IL17RD: variants seen among roughly 807,000 people sequenced by gnomAD.
IL17RD encodes the protein interleukin 17 receptor D, also known as interleukin-17 receptor D.
A neutral mutation model predicts 80.5 loss-of-function variants in IL17RD; 52 were observed. The ratio of observed to expected loss-of-function variants is 0.65; its 90% CI spans 0.52 to 0.81. IL17RD has a LOEUF of 0.81. IL17RD is among the 40% of genes least tolerant of loss of function. The pLI is 0.00. For synonymous variants in IL17RD, 416 were observed against 391.8 expected (o/e 1.06, Z -0.73); for missense variants, 1,024 against 955.1 (o/e 1.07, Z -0.95).
At chr3:57,104,555 T>C (rs1457321099) in intron 7 of IL17RD, 148 bp from the exon 8 acceptor site, 2 of 625,670 alleles carry the variant, frequency 3.2e-6, no homozygotes, top group Non-Finnish European at 5.7e-6. Context: ...GCAACTGTGT[T>C]TATCTGCCAC....
intron 1 of IL17RD, among the ~76,000 whole-genome samples, chr3:57,127,173 G>C (rs1241682258): frequency 2.3e-5 from 3 of 128,016 alleles, no homozygotes; most frequent in Non-Finnish European, 4.8e-5. Flanking sequence ...TTAAAACTAA[G>C]GCCAACTCAT....
rs1706960837 is a variant in IL17RD at position 57,106,137 on chromosome 3, G to T, written c.568C>A (p.Gln190Lys). ...FRTRACDLLL[Q>K]PDNLACKPFW... ...GGTTTACAAGCTAGATTGTCCGGCT[G>T]TAACAACAGGTCACAGGCTATTAAG... The change falls in exon 6 of 13, where the codon CAG (glutamine) becomes AAG (lysine). Residue 190 changes from glutamine (Q) to lysine (K), a missense_variant. Physicochemically the swap from Gln to Lys is moderately conservative, Grantham distance 53. Coordinates refer to ENST00000296318, the MANE Select transcript of IL17RD (RefSeq NM_017563.5). 1 of 1,611,908 alleles carries T rather than the reference G, an allele frequency of 6.2e-7. No homozygotes were observed. The highest frequency in any genetic ancestry group is 2.2e-5 in the East Asian group (1 of 44,882).
chr3:57,130,670 G>C (rs140546614), intron 1 of IL17RD, among the ~76,000 whole-genome samples: 1 of 152,122 alleles, frequency 6.6e-6, no homozygotes, highest in East Asian at 1.9e-4. Flanking sequence ...CCTGTTTCAC[G>C]GCCCTGCCCG....
chr3:57,098,443 C>G lies in IL17RD; in HGVS notation c.1260G>C (p.Val420=). ...AGTACTTCATACCTTTGGAACAAAC[C>G]ACAATGATGAACTGGGACTCGTGGA... ...QKIHESQFII[V]VCSKGMKYFV... Residue 420 remains valine (V), a synonymous_variant, in exon 12 of 13, where the codon GTG becomes GTC. Transcript: ENST00000296318. 1 of 1,613,974 alleles carries G rather than the reference C, an allele frequency of 6.2e-7. No homozygotes were observed.
At chr3:57,101,129 C>A in intron 11 of IL17RD, 50 bp downstream of exon 11, 1 of 1,498,242 alleles carries the variant, frequency 6.7e-7, no homozygotes, top group Non-Finnish European at 9.2e-7. Flanking sequence ...GGAGAGAGTA[C>A]AGGGCAAGTG....
chr3:57,139,806 C>T (rs1180450869), intron 1 of IL17RD, among the ~76,000 whole-genome samples: 1 of 152,176 alleles, frequency 6.6e-6, no homozygotes, highest in Non-Finnish European at 1.5e-5. Context: ...TGTGAGCCAC[C>T]TCGCCTGGCT....
At chr3:57,117,677 A>C (rs1301722067) in intron 2 of IL17RD, among the ~76,000 whole-genome samples, 2 of 152,204 alleles carry the variant, frequency 1.3e-5, no homozygotes, top group Non-Finnish European at 2.9e-5. Flanking sequence ...TTGACTAGTA[A>C]CCAGTCAACT....
At chr3:57,142,329 G>C (rs1707844105) in intron 1 of IL17RD, 1 of 413,048 alleles carries the variant, frequency 2.4e-6, no homozygotes, top group South Asian at 1.8e-5. Flanking sequence ...ACAGTGTCCA[G>C]ATGTGCTTAA....
Position 57,120,296 on chromosome 3 carries a change from G to C in IL17RD, c.144C>G (p.Ser48Arg), listed in dbSNP as rs1160318085. 1 of 1,613,524 alleles carries C rather than the reference G, an allele frequency of 6.2e-7. No homozygotes were observed. The change falls in exon 2 of 13, where the codon AGC becomes AGG. Residue 48 changes from serine to arginine, a missense_variant. Physicochemically the swap from Ser to Arg is moderately radical, Grantham distance 110. Coordinates refer to ENST00000296318, the MANE Select transcript of IL17RD (RefSeq NM_017563.5). ...TGATGTTGTACAGCCCACTGTTTCT[G>C]CTGGCTGGCCCCACTCCCTGTGGGA... ...TCGWRGVGPA[S>R]RNSGLYNITF... is the part of the protein sequence containing the mutation.
Position 57,165,298 on chromosome 3 carries a change from C to G in IL17RD, c.-12G>C. ...AGCCACGGGGCCATGGCCGTGCGCT[C>G]GCCCAGCCAGGCCGTTCTCTGCGCC... On this transcript the variant is annotated 5_prime_UTR_variant, in exon 1 of 13. Transcript: ENST00000296318. 1 of 1,440,728 alleles carries G rather than the reference C, an allele frequency of 6.9e-7. No homozygotes were observed. The highest frequency in any genetic ancestry group is 1.4e-5 in the South Asian group (1 of 70,848). 89.2% of individuals were successfully genotyped at this position (1,440,728 alleles called of 1,614,324 possible). A position where few individuals can be genotyped will look rare whatever the true frequency, so the allele number is the denominator to read the frequency against.
Position 57,105,805 on chromosome 3 carries a change from G to A in IL17RD, c.747+52C>T, listed in dbSNP as rs1545982. ...TGAGCAACCCAAATTCCAGTGGCCT[G>A]GGGGTCGCTTTGAAACACGCAGTGT... is the stretch of plus-strand genomic sequence containing the variant. On this transcript the variant is annotated intron_variant, in intron 7 of 12. Coordinates refer to ENST00000296318, the MANE Select transcript of IL17RD (RefSeq NM_017563.5). 0.84 allele frequency: 1,306,747 copies of A among 1,546,724 alleles called. 556,827 individuals carry two copies. Among genetic ancestry groups the A allele is most frequent in the South Asian group, 0.92 (78,086 of 84,488 alleles).
At chr3:57,131,959 G>A (rs1220952814) in intron 1 of IL17RD, among the ~76,000 whole-genome samples, 3 of 152,244 alleles carry the variant, frequency 2.0e-5, no homozygotes, top group Admixed American at 2.0e-4. Context: ...GCGGAGGCCA[G>A]CGGATTGCTT....
At chr3:57,134,276 T>C (rs911809818) in intron 1 of IL17RD, 2 of 682,546 alleles carry the variant, frequency 2.9e-6, no homozygotes, top group African/African-American at 3.5e-5. Context: ...TGATCAAAGA[T>C]GGGCTGATCA....
chr3:57,153,641 A>G (rs1009536519), intron 1 of IL17RD, among the ~76,000 whole-genome samples: 2 of 152,248 alleles, frequency 1.3e-5, no homozygotes, highest in African/African-American at 4.8e-5. Flanking sequence ...TGGTAACTTT[A>G]GACAAAGGGG....
At position 57,094,758 on chromosome 3, in the gene IL17RD, T is replaced by C. The variant is rs1011977678; in HGVS notation, c.*1635A>G. 2.6e-5 allele frequency: 4 copies of C among 152,182 alleles called. No individual in the cohort carries two copies. The highest frequency in any genetic ancestry group is 1.3e-4 in the Admixed American group (2 of 15,268). The allele number at this position is 152,182 out of a possible 1,614,324, so 9.4% of individuals were successfully genotyped here. A position where few individuals can be genotyped will look rare whatever the true frequency, so the allele number is the denominator to read the frequency against. On this transcript the variant is annotated 3_prime_UTR_variant, in exon 13 of 13. Coordinates refer to ENST00000296318, the MANE Select transcript of IL17RD (RefSeq NM_017563.5). Reference sequence around the variant, plus strand: ...AGCTCTGCACTCATTCCAGATTCCATAGGAACAACATAAAATGACTCTTCT... The same window carrying C: ...AGCTCTGCACTCATTCCAGATTCCACAGGAACAACATAAAATGACTCTTCT...
At chr3:57,154,283 T>TATATACAC (rs904157398) in intron 1 of IL17RD, among the ~76,000 whole-genome samples, 1 of 112,908 alleles carries the variant, frequency 8.9e-6, no homozygotes, top group African/African-American at 3.2e-5. Flanking sequence ...TATATATATA[T>TATATACAC]ACACACACAC....
chr3:57,100,309 T>G (rs567778158), intron 11 of IL17RD, among the ~76,000 whole-genome samples: 1 of 152,330 alleles, frequency 6.6e-6, no homozygotes, highest in African/African-American at 2.4e-5. Flanking sequence ...CCTCACCACA[T>G]GGAGAGATTC....
chr3:57,114,062 T>C (rs1342179804), intron 3 of IL17RD, among the ~76,000 whole-genome samples: 1 of 144,124 alleles, frequency 6.9e-6, no homozygotes, highest in Non-Finnish European at 1.5e-5. Context: ...TGGGCACTTA[T>C]AATCCCAGCT....
At chr3:57,127,412 A>ATATATATATTT (rs1246159104) in intron 1 of IL17RD, among the ~76,000 whole-genome samples, 5 of 91,216 alleles carry the variant, frequency 5.5e-5, no homozygotes, top group African/African-American at 2.4e-4. Context: ...ATATATATAT[A>ATATATATATTT]TTTTTTTTTT....
Sources: gnomAD v4.1 joint callset for allele counts (sites outside exome capture counted in the v4.1 genomes callset) on GRCh38, gnomAD v4.1.1 for gene constraint, MANE v1.5 for transcripts, NCBI Gene and HGNC (gene_info 2026-07-23, HGNC 2026-07-21) for gene names.